The following GRIK2 variants were observed in gnomAD, a reference collection of about 807,000 sequenced individuals.
GRIK2 encodes the protein glutamate ionotropic receptor kainate type subunit 2.
GRIK2 carries 32 observed loss-of-function variants against 100.3 expected under a neutral mutation model. The ratio of observed to expected loss-of-function variants is 0.32; its 90% CI spans 0.24 to 0.43. The LOEUF is 0.43. Among genes scored for constraint, GRIK2 ranks in the 20% least tolerant of loss-of-function variants. The pLI is 1.00. For missense variants in GRIK2, 843 were observed against 1,114.9 expected (o/e 0.76, Z 3.47); for synonymous variants, 417 against 389.4 (o/e 1.07, Z -0.83).
At chr6:101,822,697 T>G (rs1418997404) in intron 10 of GRIK2, among the ~76,000 whole-genome samples, 1 of 152,134 alleles carries the variant, frequency 6.6e-6, no homozygotes, top group African/African-American at 2.4e-5. Flanking sequence ...ACTTTTGAAG[T>G]AGACACTATT....
At chr6:101,983,526 T>C (rs954774436) in intron 14 of GRIK2, among the ~76,000 whole-genome samples, 5 of 151,820 alleles carry the variant, frequency 3.3e-5, no homozygotes, top group African/African-American at 1.2e-4. Flanking sequence ...AACACACTAA[T>C]ACATGTCCTC....
At chr6:101,867,878 A>T (rs936498995) in intron 11 of GRIK2, among the ~76,000 whole-genome samples, 4 of 151,694 alleles carry the variant, frequency 2.6e-5, no homozygotes, top group Admixed American at 2.0e-4. Flanking sequence ...AATTATAGCA[A>T]AAACCAGAGC....
chr6:101,401,534 C>G (rs1324291501), intron 2 of GRIK2, among the ~76,000 whole-genome samples: 1 of 152,186 alleles, frequency 6.6e-6, no homozygotes, highest in Non-Finnish European at 1.5e-5. Context: ...TTCTAGATAA[C>G]CTGCTGTTTT....
intron 12 of GRIK2, among the ~76,000 whole-genome samples, chr6:101,903,852 G>A (rs1788042763): frequency 6.6e-6 from 1 of 151,226 alleles, no homozygotes; most frequent in South Asian, 2.1e-4. Context: ...ATGCATCATA[G>A]CATATTTTAG....
intron 2 of GRIK2, among the ~76,000 whole-genome samples, chr6:101,551,315 G>GGGT (rs2128292526): frequency 6.6e-6 from 1 of 152,178 alleles, no homozygotes; most frequent in Admixed American, 6.5e-5. Flanking sequence ...AAAGGATGGG[G>GGGT]GGTGGTGGTG....
chr6:101,709,639 G>A (rs1773566152), intron 7 of GRIK2, among the ~76,000 whole-genome samples: 1 of 151,218 alleles, frequency 6.6e-6, no homozygotes, highest in Non-Finnish European at 1.5e-5. Context: ...AGTTAATATA[G>A]AAAAAAAATG....
chr6:101,860,028 T>C (rs945037613), intron 11 of GRIK2, among the ~76,000 whole-genome samples: 1 of 152,152 alleles, frequency 6.6e-6, no homozygotes, highest in African/African-American at 2.4e-5. Flanking sequence ...GTCTTTGTTA[T>C]TTTAGAAATA....
intron 2 of GRIK2, among the ~76,000 whole-genome samples, chr6:101,521,613 A>G (rs901291511): frequency 1.9e-4 from 29 of 151,876 alleles, no homozygotes; most frequent in African/African-American, 6.8e-4. Flanking sequence ...GAATTTGAAT[A>G]GCGTAAAATT....
intron 2 of GRIK2, among the ~76,000 whole-genome samples, chr6:101,463,064 G>A (rs1003762637): frequency 6.6e-6 from 1 of 152,130 alleles, no homozygotes; most frequent in African/African-American, 2.4e-5. Flanking sequence ...AAAGATTTCA[G>A]ACACTTATCT....
At chr6:101,505,786 A>AC (rs891064838) in intron 2 of GRIK2, among the ~76,000 whole-genome samples, 1 of 151,812 alleles carries the variant, frequency 6.6e-6, no homozygotes, top group Non-Finnish European at 1.5e-5. Flanking sequence ...GAAAAAAAAA[A>AC]AAAAAACTAG....
intron 4 of GRIK2, among the ~76,000 whole-genome samples, chr6:101,639,564 C>T (rs1781185905): frequency 6.6e-6 from 1 of 152,036 alleles, no homozygotes; most frequent in Non-Finnish European, 1.5e-5. Context: ...GCACCCCAGT[C>T]TGGGCGAGAG....
At chr6:101,564,921 G>A (rs562326400) in intron 2 of GRIK2, among the ~76,000 whole-genome samples, 1 of 152,176 alleles carries the variant, frequency 6.6e-6, no homozygotes, top group South Asian at 2.1e-4. Context: ...TAGGGTGAGG[G>A]AATGGAGCCT....
intron 2 of GRIK2, among the ~76,000 whole-genome samples, chr6:101,434,396 G>A (rs991317280): frequency 7.9e-5 from 12 of 152,158 alleles, no homozygotes; most frequent in African/African-American, 2.9e-4. Context: ...ATCTTCAATG[G>A]CAAAGTCTTG....
Position 101,762,150 on chromosome 6 carries a change from T to G in GRIK2, c.952-37498T>G, listed in dbSNP as rs902726493. On this transcript the variant is annotated intron_variant, in intron 7 of 16. Coordinates refer to ENST00000369134, the MANE Select transcript of GRIK2 (RefSeq NM_021956.5). ...CTTTCCTTCCTCCCTCCCTTCCTCTTCCTCTGTCTCTGTCTCTGTCTCTCT... is the reference window on the plus strand; with the variant it reads ...CTTTCCTTCCTCCCTCCCTTCCTCTGCCTCTGTCTCTGTCTCTGTCTCTCT... 4.9e-3 allele frequency among the ~76,000 whole-genome samples: 655 copies of G among 132,630 alleles called. 6 individuals carry two copies. The highest frequency in any genetic ancestry group is 0.017 in the African/African-American group (526 of 30,140). The allele number at this position is 132,630 out of a possible 152,430, so 87.0% of individuals were successfully genotyped here.
At chr6:101,400,594 A>C (rs191574111) in intron 2 of GRIK2, among the ~76,000 whole-genome samples, 5 of 152,306 alleles carry the variant, frequency 3.3e-5, no homozygotes, top group African/African-American at 1.2e-4. Flanking sequence ...CACTCGGTCA[A>C]ATTTAAACTG....
intron 7 of GRIK2, among the ~76,000 whole-genome samples, chr6:101,716,775 A>G (rs916616681): frequency 1.6e-4 from 24 of 151,948 alleles, no homozygotes; most frequent in African/African-American, 5.3e-4. Flanking sequence ...AACAAAACAA[A>G]TAACAACCAC....
chr6:101,855,691 G>T (rs1315467411), intron 10 of GRIK2, among the ~76,000 whole-genome samples: 1 of 152,320 alleles, frequency 6.6e-6, no homozygotes, highest in African/African-American at 2.4e-5. Context: ...AATAGGCCTT[G>T]AAGACCAGCA....
intron 15 of GRIK2, among the ~76,000 whole-genome samples, chr6:102,052,486 G>C (rs1436685537): frequency 1.3e-5 from 2 of 152,176 alleles, no homozygotes; most frequent in Non-Finnish European, 2.9e-5. Context: ...AGGAAGTTCA[G>C]CTGGCGAAAA....
At chr6:101,563,503 C>T (rs1777119972) in intron 2 of GRIK2, among the ~76,000 whole-genome samples, 1 of 152,054 alleles carries the variant, frequency 6.6e-6, no homozygotes, top group South Asian at 2.1e-4. Flanking sequence ...CAATGATGTA[C>T]TTAGGTACTT....
Sources: allele counts gnomAD v4.1 joint callset (sites outside exome capture counted in the v4.1 genomes callset), GRCh38; gene constraint gnomAD v4.1.1; transcripts MANE v1.5; gene names NCBI Gene and HGNC (gene_info 2026-07-23, HGNC 2026-07-21).